Variants in RADIL observed in about 807,000 individuals in gnomAD.
RADIL encodes Rap associating with DIL domain.
Under a neutral mutation model 97.6 loss-of-function variants are expected in RADIL, and 99 were observed. The observed-to-expected ratio is 1.01, with a 90% CI of 0.86 to 1.20. The LOEUF is 1.20. Among genes scored for constraint, RADIL ranks in the 50% most tolerant of loss-of-function variants. RADIL has a pLI of 0.00. For missense variants in RADIL, 1,765 were observed against 1,498.9 expected, an observed-to-expected ratio of 1.18 and a Z score of -2.93; for synonymous variants, 803 against 691.8, an observed-to-expected ratio of 1.16 and a Z score of -2.52.
rs577645076 is a variant in RADIL, at chr7:4,824,630, G to A, written c.1455-2076C>T. On this transcript the variant is annotated intron_variant, in intron 5 of 14. Coordinates refer to ENST00000399583, the MANE Select transcript of RADIL (RefSeq NM_018059.5). This position sits in a 1 kb window ranked among gnomAD's most constrained non-coding sequence, Gnocchi z 6.7. ...ACCTCTCTCGCGTGCACACACCCGG[G>A]GAGGGAAGAAACTGGACTGAGACCA... Among the ~76,000 whole-genome samples the A allele has an allele frequency of 6.6e-5, 10 of 152,328 alleles. No individual in the cohort carries two copies. In the South Asian group the frequency reaches 1.7e-3, roughly 25 times the overall value.
At chr7:4,803,318 C>T (rs547412450) in intron 11 of RADIL, among the ~76,000 whole-genome samples, 2 of 105,106 alleles carry the variant, frequency 1.9e-5, no homozygotes, top group East Asian at 2.8e-4. Context: ...CCTCCCCGGG[C>T]ACCTCAGGGC....
At chr7:4,860,684 A>C in intron 2 of RADIL, 2 of 1,614,222 alleles carry the variant, frequency 1.2e-6, no homozygotes, top group Non-Finnish European at 1.7e-6. Flanking sequence ...CAGAAGTACA[A>C]TATAATGCTT....
chr7:4,803,769 G>A lies in RADIL; in HGVS notation c.2291-15C>T, dbSNP rs1236535850. Reference sequence around the variant, plus strand: ...CAGAACATCCTCTGCAGGGGAGAGAGGATGCCCGTAATGGCCACAGGAGAA... The same window carrying A: ...CAGAACATCCTCTGCAGGGGAGAGAAGATGCCCGTAATGGCCACAGGAGAA... On this transcript the variant is annotated splice_polypyrimidine_tract_variant and intron_variant, in intron 10 of 14. Transcript: ENST00000399583. 1 of 1,548,596 alleles carries A rather than the reference G, an allele frequency of 6.5e-7. No individual in the cohort carries two copies. The highest frequency in any genetic ancestry group is 8.7e-7 in the Non-Finnish European group (1 of 1,144,250).
At chr7:4,825,133 C>CG (rs992519502) in intron 5 of RADIL, among the ~76,000 whole-genome samples, 67 of 150,208 alleles carry the variant, frequency 4.5e-4, no homozygotes, top group Admixed American at 6.7e-4. Flanking sequence ...GAAGGGCACT[C>CG]GGGGGGGGAC....
intron 2 of RADIL, chr7:4,861,372 A>T: frequency 6.2e-7 from 1 of 1,614,198 alleles, no homozygotes; most frequent in South Asian, 1.1e-5. Flanking sequence ...ACAGCCCTTA[A>T]ATCTTTCACT....
In RADIL at chr7:4,837,299, G is replaced by A. The variant is rs999712324; in HGVS notation, c.536-694C>T. Among the ~76,000 whole-genome samples the A allele has an allele frequency of 6.6e-6, 1 of 152,144 alleles. No individual in the cohort carries two copies. Among genetic ancestry groups the A allele is most frequent in the Non-Finnish European group, 1.5e-5 (1 of 68,006 alleles). On this transcript the variant is annotated intron_variant, in intron 2 of 14. Transcript: ENST00000399583. This position sits in a 1 kb window ranked among gnomAD's most constrained non-coding sequence, Gnocchi z 5.6. ...CCCACGGCAGCCTGGGCCTCTGCAGGGTCACCACGCCGCCTCCAGAGCCCT... is the reference window on the plus strand; with the variant it reads ...CCCACGGCAGCCTGGGCCTCTGCAGAGTCACCACGCCGCCTCCAGAGCCCT...
Position 4,873,036 on chromosome 7 carries a change from C to G in RADIL, c.535+4569G>C, listed in dbSNP as rs1414398997. On this transcript the variant is annotated intron_variant, in intron 2 of 14. Coordinates refer to ENST00000399583, the MANE Select transcript of RADIL (RefSeq NM_018059.5). This position sits in a 1 kb window ranked among gnomAD's most constrained non-coding sequence, Gnocchi z 4.3. ...CACTGCAACCTCCGCCTCCTGGGTTCAAGCGATTCTCTGCCTCCCAAGTAG... is the reference window on the plus strand; with the variant it reads ...CACTGCAACCTCCGCCTCCTGGGTTGAAGCGATTCTCTGCCTCCCAAGTAG... 6.6e-6 allele frequency among the ~76,000 whole-genome samples: 1 copy of G among 152,198 alleles called. No homozygotes were observed. The highest frequency in any genetic ancestry group is 1.9e-4 in the East Asian group (1 of 5,200).
chr7:4,802,717 G>A (rs1374063489), intron 11 of RADIL, among the ~76,000 whole-genome samples: 1 of 104,922 alleles, frequency 9.5e-6, no homozygotes, highest in Non-Finnish European at 1.9e-5. Context: ...CCCTCCCCAG[G>A]CACCTCGGGG....
intron 9 of RADIL, among the ~76,000 whole-genome samples, chr7:4,807,492 T>C (rs1782350948): frequency 6.7e-6 from 1 of 148,178 alleles, no homozygotes; most frequent in African/African-American, 2.5e-5. Context: ...CCCCTCCCTC[T>C]GTCTGTCTCC....
At position 4,879,275 on chromosome 7, in the gene RADIL, C is replaced by T. The variant is rs1027017358; in HGVS notation, c.-64-1072G>A. On this transcript the variant is annotated intron_variant, in intron 1 of 14. Coordinates refer to ENST00000399583, the MANE Select transcript of RADIL (RefSeq NM_018059.5). The surrounding 1 kb of genome is among the most constrained non-coding windows in gnomAD (Gnocchi z 4.1). Reference sequence around the variant, plus strand: ...ACAATCACACTTCTAATGTCCGTAGCGTGCCCAGGGCCAGGAGTTCCAGAT... The same window carrying T: ...ACAATCACACTTCTAATGTCCGTAGTGTGCCCAGGGCCAGGAGTTCCAGAT... Among the ~76,000 whole-genome samples the T allele has an allele frequency of 3.3e-5, 5 of 152,350 alleles. No individual in the cohort carries two copies. Among genetic ancestry groups the T allele is most frequent in the Non-Finnish European group, 5.9e-5 (4 of 68,028 alleles).
At position 4,817,294 on chromosome 7, in the gene RADIL, A is replaced by G. The variant is rs1420764398; in HGVS notation, c.1673T>C (p.Val558Ala). Residue 558 changes from valine to alanine, a missense_variant, in exon 7 of 15, where the codon GTG (valine) becomes GCG (alanine). Physicochemically the swap from Val to Ala is moderately conservative, Grantham distance 64. Transcript: ENST00000399583. This position sits in a 1 kb window ranked among gnomAD's most constrained non-coding sequence, Gnocchi z 8.3. ...TLTASEEAMA[V>A]LEEVVLYAFQ... ...GGCGTACAGCACCACCTCCTCCAGC[A>G]CCGCCATGGCCTCCTCGCTGGCCGT... 6 of 1,612,540 alleles carry G rather than the reference A, an allele frequency of 3.7e-6. No individual in the cohort carries two copies. In the African/African-American group the frequency reaches 6.7e-5, roughly 18 times the overall value.
chr7:4,802,050 A>G, intron 11 of RADIL, 55 bp from the exon 12 acceptor site: 1 of 1,379,986 alleles, frequency 7.2e-7, no homozygotes, highest in Non-Finnish European at 9.6e-7. Flanking sequence ...TGGACACAGC[A>G]CTCGGGCAAC....
At position 4,860,152 on chromosome 7, in the gene RADIL, C is replaced by G. The variant is rs1783944669; in HGVS notation, c.535+17453G>C. 8 of 1,613,990 alleles carry G rather than the reference C, an allele frequency of 5.0e-6. No individual in the cohort carries two copies. In the South Asian group the frequency reaches 5.5e-5, roughly 11 times the overall value. ...CAGCCAAGGCAGGACTGTTTCTACC[C>G]TGAGAACTGCTAATCAATGGGCCTG... On this transcript the variant is annotated intron_variant, in intron 2 of 14. Transcript: ENST00000399583.
chr7:4,832,811 C>T (rs1042594718), intron 4 of RADIL, among the ~76,000 whole-genome samples: 5 of 151,742 alleles, frequency 3.3e-5, no homozygotes, highest in Non-Finnish European at 4.4e-5. Flanking sequence ...TGAATGTAAC[C>T]GTGATGGCTG....
intron 2 of RADIL, among the ~76,000 whole-genome samples, chr7:4,852,348 A>G (rs564265966): frequency 1.3e-5 from 2 of 152,310 alleles, no homozygotes; most frequent in South Asian, 4.1e-4. Flanking sequence ...CAGGCCTTGG[A>G]ACGGAACAAA....
intron 9 of RADIL, among the ~76,000 whole-genome samples, chr7:4,812,308 G>GT (rs1782568875): frequency 6.6e-6 from 1 of 152,174 alleles, no homozygotes. Flanking sequence ...CAAAAAGTTG[G>GT]TTATGATCTC....
At chr7:4,869,019 C>A (rs1784193552) in intron 2 of RADIL, among the ~76,000 whole-genome samples, 1 of 152,192 alleles carries the variant, frequency 6.6e-6, no homozygotes, top group African/African-American at 2.4e-5. Context: ...CCCAGCTATT[C>A]AGGAGGCTGA....
intron 9 of RADIL, among the ~76,000 whole-genome samples, chr7:4,807,014 A>G (rs1330263707): frequency 6.6e-6 from 1 of 151,970 alleles, no homozygotes; most frequent in Non-Finnish European, 1.5e-5. Flanking sequence ...CTCCACCTCA[A>G]TGCGTGGCTC....
At chr7:4,870,216 G>T (rs1784221772) in intron 2 of RADIL, among the ~76,000 whole-genome samples, 1 of 152,314 alleles carries the variant, frequency 6.6e-6, no homozygotes, top group African/African-American at 2.4e-5. Flanking sequence ...CAGGGAAGGG[G>T]CGCAGGGCGA....
Sources: gnomAD v4.1 joint callset for allele counts (sites outside exome capture counted in the v4.1 genomes callset) on GRCh38, gnomAD v4.1.1 for gene constraint, Gnocchi (gnomAD v3.1) non-coding constraint, MANE v1.5 for transcripts, NCBI Gene and HGNC (gene_info 2026-07-23, HGNC 2026-07-21) for gene names.